The following GASK1A variants were observed in gnomAD, a reference collection of about 807,000 sequenced individuals.
The protein encoded by GASK1A is Golgi-associated kinase 1A.
A neutral mutation model predicts 41.2 loss-of-function variants in GASK1A; 40 were observed. That is an observed-to-expected ratio of 0.97 (90% CI 0.75 to 1.27). The LOEUF is 1.27. Ranked by LOEUF, GASK1A falls within the 50% of genes most tolerant of loss-of-function variation. The pLI is 0.00. For synonymous variants in GASK1A, 316 were observed against 307.1 expected, an observed-to-expected ratio of 1.03 and a Z score of -0.30; for missense variants, 678 against 745.1, an observed-to-expected ratio of 0.91 and a Z score of 1.05.
Position 42,980,288 on chromosome 3 carries a change from A to G in GASK1A, c.3+643A>G, listed in dbSNP as rs2089276097. 3.9e-5 allele frequency among the ~76,000 whole-genome samples: 6 copies of G among 152,084 alleles called. No individual in the cohort carries two copies. In the South Asian group the frequency reaches 1.2e-3, roughly 32 times the overall value. On this transcript the variant is annotated intron_variant, in intron 1 of 4. Coordinates refer to ENST00000430121, the MANE Select transcript of GASK1A (RefSeq NM_001129908.3). ...CCTTCCATTGATCAACTTCACAGAC[A>G]CTAACAGGCAGAAAAGAAAAACCCA...
chr3:43,045,113 G>C (rs2089655988), intron 2 of GASK1A, among the ~76,000 whole-genome samples: 1 of 152,182 alleles, frequency 6.6e-6, no homozygotes, highest in South Asian at 2.1e-4. Context: ...CATTTTCTTT[G>C]ACACATATAG....
chr3:43,008,124 A>G (rs2089445875), intron 1 of GASK1A, among the ~76,000 whole-genome samples: 1 of 152,232 alleles, frequency 6.6e-6, no homozygotes, highest in African/African-American at 2.4e-5. Flanking sequence ...TAACTCTGCC[A>G]CTTAGCTATG....
chr3:43,004,948 G>A (rs1036567882), intron 1 of GASK1A, among the ~76,000 whole-genome samples: 3 of 152,272 alleles, frequency 2.0e-5, no homozygotes, highest in East Asian at 1.9e-4. Flanking sequence ...GAGGCTCTGG[G>A]GGAGAATCCA....
At chr3:43,043,241 T>C (rs887708518) in intron 2 of GASK1A, among the ~76,000 whole-genome samples, 2 of 152,162 alleles carry the variant, frequency 1.3e-5, no homozygotes, top group Non-Finnish European at 2.9e-5. Context: ...GCTAGGGGCA[T>C]GGGCCACCAG....
rs190369376 is a variant in GASK1A, at chr3:43,037,056, A to G, written c.1290+3503A>G. On this transcript the variant is annotated intron_variant, in intron 2 of 4. Transcript: ENST00000430121. The stretch of plus-strand genomic sequence containing the variant: ...AAGGGTGGTTTCCAAGGTGTGAAAA[A>G]TTAAGAGCATGCTCACTCTTGGGTG... 1.2e-5 allele frequency: 6 copies of G among 518,558 alleles called. No individual in the cohort carries two copies. The Admixed American group carries it at 1.8e-4, about 16-fold the overall frequency. 32.1% of individuals were successfully genotyped at this position (518,558 alleles called of 1,614,324 possible). A position where few individuals can be genotyped will look rare whatever the true frequency, so the allele number is the denominator to read the frequency against.
intron 2 of GASK1A, among the ~76,000 whole-genome samples, chr3:43,041,174 G>A (rs1253294755): frequency 7.3e-5 from 11 of 149,900 alleles, no homozygotes; most frequent in Admixed American, 2.7e-4. Flanking sequence ...GAATAGTGCC[G>A]CAATAAACAT....
chr3:43,052,685 C>G (rs917293584), intron 2 of GASK1A, among the ~76,000 whole-genome samples: 2 of 152,146 alleles, frequency 1.3e-5, no homozygotes, highest in African/African-American at 4.8e-5. Flanking sequence ...CCTTTCCTGT[C>G]TTTCTCCCCA....
At position 42,979,601 on chromosome 3, in the gene GASK1A, G is replaced by A; in HGVS notation, c.-42G>A. 2 of 1,241,240 alleles carry A rather than the reference G, an allele frequency of 1.6e-6. No individual in the cohort carries two copies. Among genetic ancestry groups the A allele is most frequent in the Non-Finnish European group, 1.0e-6 (1 of 987,690 alleles). 76.9% of individuals were successfully genotyped at this position (1,241,240 alleles called of 1,614,324 possible). A position where few individuals can be genotyped will look rare whatever the true frequency, so the allele number is the denominator to read the frequency against. ...GGGAGGCGGGATGAGTCTGCGAGCC[G>A]GCTGAGCGCGCCGAGGAGCCGGCCG... On this transcript the variant is annotated 5_prime_UTR_variant, in exon 1 of 5. Coordinates refer to ENST00000430121, the MANE Select transcript of GASK1A (RefSeq NM_001129908.3).
chr3:43,000,463 C>T (rs1453722204), intron 1 of GASK1A, among the ~76,000 whole-genome samples: 3 of 152,220 alleles, frequency 2.0e-5, no homozygotes, highest in Non-Finnish European at 4.4e-5. Context: ...ATTCTCCAGG[C>T]TTGGCCCTTG....
intron 2 of GASK1A, among the ~76,000 whole-genome samples, chr3:43,044,473 C>G (rs892091220): frequency 6.6e-6 from 1 of 152,150 alleles, no homozygotes; most frequent in African/African-American, 2.4e-5. Flanking sequence ...CCATAACAAC[C>G]GCCTCCTGCT....
intron 1 of GASK1A, among the ~76,000 whole-genome samples, chr3:43,006,201 G>T (rs2089435296): frequency 6.6e-6 from 1 of 152,110 alleles, no homozygotes; most frequent in Non-Finnish European, 1.5e-5. Context: ...CTTCTGAGCT[G>T]GTCGCTTTCT....
At position 43,033,198 on chromosome 3, in the gene GASK1A, G is replaced by A. The variant is rs1406513457; in HGVS notation, c.935G>A (p.Cys312Tyr). 3 of 1,551,510 alleles carry A rather than the reference G, an allele frequency of 1.9e-6. No individual in the cohort carries two copies. Among genetic ancestry groups the A allele is most frequent in the Non-Finnish European group, 2.6e-6 (3 of 1,146,876 alleles). Residue 312 changes from cysteine to tyrosine, a missense_variant, in exon 2 of 5, where the codon TGT becomes TAT. By Grantham distance (194) the Cys-to-Tyr change is radical. Coordinates refer to ENST00000430121, the MANE Select transcript of GASK1A (RefSeq NM_001129908.3). ...TCCTCTCCCAGGCTCAGCCAACTCT[G>A]TTCCCAAGGGCTCTGTGGCCTGATC... ...DLSSPRLSQL[C>Y]SQGLCGLIKR... is the part of the protein sequence containing the mutation.
rs372257409 is a variant in GASK1A, at chr3:43,041,187, A to G, written c.1290+7634A>G. 4.7e-5 allele frequency among the ~76,000 whole-genome samples: 7 copies of G among 150,224 alleles called. No individual in the cohort carries two copies. In the East Asian group the frequency reaches 9.8e-4, roughly 21 times the overall value. The stretch of plus-strand genomic sequence containing the variant: ...GTGAATAGTGCCGCAATAAACATAC[A>G]TGTGCACGTGTCTTTATAGCAGCAT... On this transcript the variant is annotated intron_variant, in intron 2 of 4. Transcript: ENST00000430121.
chr3:43,030,793 G>A (rs971738577), intron 1 of GASK1A, among the ~76,000 whole-genome samples: 1 of 152,184 alleles, frequency 6.6e-6, no homozygotes, highest in African/African-American at 2.4e-5. Flanking sequence ...TAGGTCATGG[G>A]TCGGGGTCCC....
chr3:42,993,326 T>C (rs1266587951), intron 1 of GASK1A, among the ~76,000 whole-genome samples: 2 of 152,242 alleles, frequency 1.3e-5, no homozygotes, highest in Non-Finnish European at 2.9e-5. Flanking sequence ...AGATATTTTA[T>C]GTAATGACAG....
chr3:43,003,805 G>C (rs1352599267), intron 1 of GASK1A, among the ~76,000 whole-genome samples: 1 of 152,146 alleles, frequency 6.6e-6, no homozygotes, highest in Non-Finnish European at 1.5e-5. Context: ...TTTGTAAATA[G>C]TGGAAAAAAA....
intron 1 of GASK1A, among the ~76,000 whole-genome samples, chr3:43,007,486 T>G (rs544361982): frequency 6.2e-4 from 94 of 152,284 alleles, no homozygotes; most frequent in African/African-American, 2.2e-3. Context: ...AAGTCGACTT[T>G]CAGCCAATCC....
chr3:43,026,120 A>C (rs758739898), intron 1 of GASK1A, among the ~76,000 whole-genome samples: 10 of 152,186 alleles, frequency 6.6e-5, no homozygotes, highest in Non-Finnish European at 1.3e-4. Flanking sequence ...TGTCTGCAAA[A>C]GAGGGTGTGG....
chr3:43,053,460 GC>G, intron 2 of GASK1A, 60 bp from the exon 3 acceptor site: 1 of 1,482,580 alleles, frequency 6.7e-7, no homozygotes, highest in South Asian at 1.4e-5. Context: ...TGGCCTCCAT[GC>G]TATGCCTGGT....
Sources: gnomAD v4.1 joint callset for allele counts (sites outside exome capture counted in the v4.1 genomes callset) on GRCh38, gnomAD v4.1.1 for gene constraint, MANE v1.5 for transcripts, NCBI Gene and HGNC (gene_info 2026-07-23, HGNC 2026-07-21) for gene names.